Variants in LRRC49 observed in about 807,000 individuals in gnomAD.
LRRC49 encodes the protein leucine-rich repeat-containing protein 49.
A neutral mutation model predicts 83.3 loss-of-function variants in LRRC49; 50 were observed. That is an observed-to-expected ratio of 0.60 (90% CI 0.48 to 0.76). The LOEUF (loss-of-function observed/expected upper bound fraction) is 0.76. Ranked by LOEUF, LRRC49 falls within the 30% of genes least tolerant of loss-of-function variation. The probability of loss-of-function intolerance (pLI) is 0.00; values close to 1 mark genes in which losing one functional copy is unlikely to be tolerated. For missense variants in LRRC49, 704 were observed against 809.1 expected (o/e 0.87, Z 1.58); for synonymous variants, 286 against 283.3 (o/e 1.01, Z -0.10).
intron 11 of LRRC49, among the ~76,000 whole-genome samples, chr15:71,005,509 A>G (rs1392410380): frequency 6.6e-6 from 1 of 152,210 alleles, no homozygotes; most frequent in Non-Finnish European, 1.5e-5. Context: ...TATTTGTTTA[A>G]TGAGATATTG....
At chr15:70,892,291 G>A, upstream of LRRC49, 1 of 1,552,444 alleles carries the variant, frequency 6.4e-7, no homozygotes, top group Non-Finnish European at 8.7e-7. Context: ...TCTTCGGTGC[G>A]CGGGAGCCGG....
At position 71,050,663 on chromosome 15, in the gene LRRC49, A is replaced by G. The variant is rs2039982601; in HGVS notation, c.*1051A>G. ...GACTAGAAGATGTACGACAGCAAAG[A>G]CATGCAGAGACATGCAGAGACACCT... On this transcript the variant is annotated 3_prime_UTR_variant, in exon 16 of 16. Coordinates refer to ENST00000260382, the MANE Select transcript of LRRC49 (RefSeq NM_017691.5). The G allele has an allele frequency of 6.6e-6, 1 of 152,074 alleles. No individual in the cohort carries two copies. The highest frequency in any genetic ancestry group is 2.4e-5 in the African/African-American group (1 of 41,414). The allele number at this position is 152,074 out of a possible 1,614,324, so 9.4% of individuals were successfully genotyped here. A position where few individuals can be genotyped will look rare whatever the true frequency, so the allele number is the denominator to read the frequency against.
chr15:71,014,404 A>G (rs939936014), intron 14 of LRRC49, among the ~76,000 whole-genome samples: 6 of 152,144 alleles, frequency 3.9e-5, no homozygotes, highest in Non-Finnish European at 7.4e-5. Context: ...GAAAAAGATT[A>G]GATGGATAAT....
intron 11 of LRRC49, among the ~76,000 whole-genome samples, chr15:70,993,794 T>C (rs575090742): frequency 6.6e-6 from 1 of 152,324 alleles, no homozygotes; most frequent in South Asian, 2.1e-4. Context: ...GAATTTAATA[T>C]TCTAAAATTA....
At position 70,919,068 on chromosome 15, in the gene LRRC49, A is replaced by G. The variant is rs1210123091; in HGVS notation, c.586A>G (p.Ile196Val). 6.2e-7 allele frequency: 1 copy of G among 1,611,960 alleles called. No homozygotes were observed. The change falls in exon 7 of 16, where the codon ATT becomes GTT. Residue 196 changes from isoleucine (I) to valine (V), a missense_variant. Ile to Val is a conservative substitution (Grantham distance 29, BLOSUM62 3). Transcript: ENST00000260382. ...TTAACAGATTACCAAAATTGAAAAT[A>G]TTAATCATTTGTGTGAGTTGAGAGT... is the stretch of plus-strand genomic sequence containing the variant. ...HGNQITKIEN[I>V]NHLCELRVLN... is the part of the protein sequence containing the mutation.
intron 14 of LRRC49, among the ~76,000 whole-genome samples, chr15:71,017,110 C>CTAAA (rs908249612): frequency 4.6e-5 from 7 of 151,726 alleles, no homozygotes; most frequent in East Asian, 1.9e-4. Context: ...GACCCTGTCT[C>CTAAA]TAAATAAATA....
chr15:70,974,063 G>A (rs2037113943), intron 9 of LRRC49, among the ~76,000 whole-genome samples: 1 of 152,064 alleles, frequency 6.6e-6, no homozygotes, highest in Admixed American at 6.6e-5. Context: ...GGAGTTGGAG[G>A]TTGCGGTGAG....
intron 1 of LRRC49, among the ~76,000 whole-genome samples, chr15:70,867,820 G>C (rs2032944693): frequency 6.6e-6 from 1 of 152,144 alleles, no homozygotes; most frequent in Non-Finnish European, 1.5e-5. Context: ...CACAATGCCT[G>C]CAATCTTGTC....
intron 9 of LRRC49, among the ~76,000 whole-genome samples, chr15:70,970,523 C>G (rs1373692318): frequency 6.6e-6 from 1 of 152,144 alleles, no homozygotes; most frequent in African/African-American, 2.4e-5. Context: ...AGGAGTCCCT[C>G]TTTTTCTATT....
Position 70,882,471 on chromosome 15 carries a change from TCACCTG to T in LRRC49, c.18+9249_18+9254del. ...TTGAGTTTTTAACATGTTTCTTCTT[TCACCTG>T]TACAGCCATATAAGACAAATCACTC... On this transcript the variant is annotated intron_variant, in intron 2 of 16. Transcript: ENST00000544974. The T allele has an allele frequency of 2.5e-6, 4 of 1,610,992 alleles. No individual in the cohort carries two copies. The African/African-American group carries it at 5.3e-5, about 21-fold the overall frequency.
chr15:71,017,333 G>A (rs2038858638), intron 14 of LRRC49, among the ~76,000 whole-genome samples: 1 of 152,054 alleles, frequency 6.6e-6, no homozygotes, highest in Non-Finnish European at 1.5e-5. Flanking sequence ...ATCATCTCAT[G>A]TTAATGAAAA....
chr15:70,982,427 A>AT (rs1317651940), intron 10 of LRRC49, among the ~76,000 whole-genome samples: 1 of 152,178 alleles, frequency 6.6e-6, no homozygotes, highest in East Asian at 1.9e-4. Flanking sequence ...GGTAAGAAGC[A>AT]TTTTTATTAT....
chr15:70,951,600 C>T (rs1489976046), intron 8 of LRRC49, among the ~76,000 whole-genome samples: 1 of 152,108 alleles, frequency 6.6e-6, no homozygotes, highest in East Asian at 1.9e-4. Context: ...GATTTTCTTA[C>T]ATTGATTTTG....
intron 11 of LRRC49, among the ~76,000 whole-genome samples, chr15:71,003,524 C>T (rs1036231559): frequency 2.0e-5 from 3 of 152,122 alleles, no homozygotes; most frequent in African/African-American, 7.2e-5. Context: ...AAATCTGACT[C>T]ACACTTAATT....
intron 9 of LRRC49, among the ~76,000 whole-genome samples, chr15:70,979,060 C>T (rs918507531): frequency 1.3e-5 from 2 of 151,910 alleles, no homozygotes; most frequent in Non-Finnish European, 2.9e-5. Context: ...CTCAAATTAT[C>T]GTATTATTTT....
intron 2 of LRRC49, among the ~76,000 whole-genome samples, chr15:70,885,394 C>G (rs917722109): frequency 2.6e-5 from 4 of 152,224 alleles, no homozygotes; most frequent in African/African-American, 9.6e-5. Flanking sequence ...TAAACCCTTT[C>G]TATTTATCAA....
intron 9 of LRRC49, among the ~76,000 whole-genome samples, chr15:70,969,195 GC>G (rs1287314832): frequency 2.6e-5 from 4 of 152,026 alleles, no homozygotes; most frequent in Admixed American, 2.6e-4. Context: ...TCAGCTTTCT[GC>G]ATATGGCTAG....
At position 71,010,011 on chromosome 15, in the gene LRRC49, G is replaced by T; in HGVS notation, c.1593+19G>T. On this transcript the variant is annotated intron_variant, in intron 13 of 15. Transcript: ENST00000260382. ...AACAGAGGTAAGCTAAAAACTAGAT[G>T]AACTATAGAATAAAAATATTCCTTC... The T allele has an allele frequency of 6.9e-7, 1 of 1,441,722 alleles. No homozygotes were observed. Among genetic ancestry groups the T allele is most frequent in the South Asian group, 1.5e-5 (1 of 67,790 alleles). 89.3% of individuals were successfully genotyped at this position (1,441,722 alleles called of 1,614,324 possible).
chr15:71,037,519 G>A (rs566493343), intron 15 of LRRC49, among the ~76,000 whole-genome samples, 187 bp downstream of exon 15: 1 of 152,132 alleles, frequency 6.6e-6, no homozygotes, highest in South Asian at 2.1e-4. Flanking sequence ...GCCCTGAGAT[G>A]CAGAAGAACC....
Sources: allele counts gnomAD v4.1 joint callset (sites outside exome capture counted in the v4.1 genomes callset), GRCh38; gene constraint gnomAD v4.1.1; transcripts MANE v1.5; gene names NCBI Gene and HGNC (gene_info 2026-07-23, HGNC 2026-07-21).